The following SUSD3 variants were observed in gnomAD, a reference collection of about 807,000 sequenced individuals.
The protein encoded by SUSD3 is sushi domain-containing protein 3.
Under a neutral mutation model 20.6 loss-of-function variants are expected in SUSD3, and 18 were observed. That is an observed-to-expected ratio of 0.87 (90% confidence interval 0.60 to 1.30). SUSD3 has a LOEUF of 1.30. Among genes scored for constraint, SUSD3 ranks in the 50% most tolerant of loss-of-function variants. SUSD3 has a pLI of 0.00. For synonymous variants in SUSD3, 137 were observed against 141.5 expected, an observed-to-expected ratio of 0.97 and a Z score of 0.23; for missense variants, 306 against 346.9, an observed-to-expected ratio of 0.88 and a Z score of 0.94.
intron 1 of SUSD3, among the ~76,000 whole-genome samples, chr9:93,066,890 T>C (rs963312520): frequency 3.3e-5 from 5 of 152,068 alleles, no homozygotes; most frequent in African/African-American, 9.7e-5. Flanking sequence ...GTATTCTTAG[T>C]AGAGATGGGG....
intron 1 of SUSD3, among the ~76,000 whole-genome samples, chr9:93,070,683 AC>A (rs768731709): frequency 6.6e-6 from 1 of 152,022 alleles, no homozygotes; most frequent in Non-Finnish European, 1.5e-5. Context: ...TTTCCTCAGC[AC>A]CCCAGTCCAA....
At chr9:93,065,254 C>T (rs1406547730) in intron 1 of SUSD3, among the ~76,000 whole-genome samples, 2 of 152,338 alleles carry the variant, frequency 1.3e-5, no homozygotes, top group South Asian at 2.1e-4. Context: ...CTTCGCATTT[C>T]GCTGTGCCTG....
At chr9:93,062,262 C>G (rs988950420) in intron 1 of SUSD3, among the ~76,000 whole-genome samples, 2 of 152,240 alleles carry the variant, frequency 1.3e-5, no homozygotes, top group Non-Finnish European at 2.9e-5. Context: ...TCTCCACCTG[C>G]CCCTGAGCCG....
chr9:93,080,468 T>C (rs560403479), intron 4 of SUSD3, among the ~76,000 whole-genome samples: 13 of 152,208 alleles, frequency 8.5e-5, no homozygotes, highest in Admixed American at 3.3e-4. Flanking sequence ...CAGTTTTTCA[T>C]GGCATAGTCT....
intron 1 of SUSD3, among the ~76,000 whole-genome samples, chr9:93,061,021 G>T (rs1385874308): frequency 6.6e-6 from 1 of 152,208 alleles, no homozygotes; most frequent in African/African-American, 2.4e-5. Context: ...CTGGGAGAAG[G>T]GCAGGGCGCG....
At chr9:93,065,931 C>T (rs375550729) in intron 1 of SUSD3, among the ~76,000 whole-genome samples, 15 of 152,208 alleles carry the variant, frequency 9.9e-5, no homozygotes, top group East Asian at 3.8e-4. Flanking sequence ...CCAAGGCCAG[C>T]GAGAGTCAGC....
At chr9:93,070,287 C>G (rs1394177964) in intron 1 of SUSD3, among the ~76,000 whole-genome samples, 1 of 152,184 alleles carries the variant, frequency 6.6e-6, no homozygotes, top group Non-Finnish European at 1.5e-5. Context: ...CCTCTCTGAG[C>G]CTTATCTGTA....
At position 93,084,590 on chromosome 9, in the gene SUSD3, A is replaced by G. The variant is rs748162246; in HGVS notation, c.611A>G (p.Lys204Arg). 6 of 1,604,822 alleles carry G rather than the reference A, an allele frequency of 3.7e-6. No individual in the cohort carries two copies. Among genetic ancestry groups the G allele is most frequent in the East Asian group, 2.3e-5 (1 of 44,204 alleles). The change falls in exon 5 of 5, where the codon AAG (lysine) becomes AGG (arginine). Residue 204 changes from lysine to arginine, a missense_variant. Coordinates refer to ENST00000375472, the MANE Select transcript of SUSD3 (RefSeq NM_145006.4). The stretch of plus-strand genomic sequence containing the variant: ...GCCAGTGTGACCCGCAGCGTGGACA[A>G]GGACCCTGGGATCCCCAGAGCTCTA... ...KLASVTRSVD[K>R]DPGIPRALSL...
intron 1 of SUSD3, among the ~76,000 whole-genome samples, chr9:93,060,385 G>C (rs527827393): frequency 6.6e-6 from 1 of 152,130 alleles, no homozygotes; most frequent in Non-Finnish European, 1.5e-5. Context: ...AGGCCCAGTG[G>C]AGCCCAGGGA....
chr9:93,075,740 A>ACCCCCCCCCCCCCCCCCCCCCCC, intron 1 of SUSD3, 44 bp from the exon 2 acceptor site: 2 of 146,806 alleles, frequency 1.4e-5, no homozygotes, highest in South Asian at 7.6e-5. Flanking sequence ...CTGCGTGCCC[A>ACCCCCCCCCCCCCCCCCCCCCCC]CCCCCCCCCC....
At chr9:93,066,842 G>T (rs979625987) in intron 1 of SUSD3, among the ~76,000 whole-genome samples, 2 of 152,030 alleles carry the variant, frequency 1.3e-5, no homozygotes, top group African/African-American at 4.8e-5. Context: ...CTGAGTAGCT[G>T]GATTACAGGC....
At chr9:93,080,665 G>T (rs12352182) in intron 4 of SUSD3, among the ~76,000 whole-genome samples, 33,510 of 152,134 alleles carry the variant, frequency 0.22, 4,472 homozygotes, top group African/African-American at 0.37. Context: ...AGCCCCCCAG[G>T]TCCCTCCACT....
chr9:93,059,439 A>T (rs1587890214), intron 1 of SUSD3, among the ~76,000 whole-genome samples: 1 of 152,030 alleles, frequency 6.6e-6, no homozygotes, highest in Non-Finnish European at 1.5e-5. Context: ...TTTTACTTTT[A>T]AGTGTTTGAA....
chr9:93,076,187 C>T (rs924569990), intron 2 of SUSD3, among the ~76,000 whole-genome samples: 8 of 152,164 alleles, frequency 5.3e-5, no homozygotes, highest in Non-Finnish European at 8.8e-5. Context: ...CAGCACGGAC[C>T]GAAAACCTAG....
chr9:93,084,416 A>T, intron 4 of SUSD3, 121 bp from the exon 5 acceptor site: 1 of 862,056 alleles, frequency 1.2e-6, no homozygotes, highest in South Asian at 1.9e-5. Context: ...CGGGCTCCCC[A>T]GTGCTCAGGG....
chr9:93,078,083 C>G, intron 3 of SUSD3, 90 bp downstream of exon 3: 1 of 1,554,518 alleles, frequency 6.4e-7, no homozygotes, highest in Non-Finnish European at 8.8e-7. Context: ...CAAGGGAACC[C>G]CGGCACTGCC....
At chr9:93,075,144 A>G (rs1019773948) in intron 1 of SUSD3, among the ~76,000 whole-genome samples, 3 of 152,208 alleles carry the variant, frequency 2.0e-5, no homozygotes, top group South Asian at 2.1e-4. Flanking sequence ...TGCATTTTTC[A>G]TGACTGTGGG....
chr9:93,084,295 G>C (rs965878595), intron 4 of SUSD3, among the ~76,000 whole-genome samples: 6 of 152,070 alleles, frequency 3.9e-5, no homozygotes, highest in African/African-American at 1.4e-4. Context: ...TGACTCCTGG[G>C]CCACGCCCTG....
chr9:93,075,733 C>CGGGGGGGGGGGGGGGGGGGGGGGGGCGG, intron 1 of SUSD3, 51 bp from the exon 2 acceptor site: 1 of 392,364 alleles, frequency 2.5e-6, no homozygotes, highest in Non-Finnish European at 4.5e-6. Context: ...CCCTGCCCTG[C>CGGGGGGGGGGGGGGGGGGGGGGGGGCGG]GTGCCCACCC....
Sources: gnomAD v4.1 joint callset for allele counts (sites outside exome capture counted in the v4.1 genomes callset) on GRCh38, gnomAD v4.1.1 for gene constraint, MANE v1.5 for transcripts, NCBI Gene and HGNC (gene_info 2026-07-23, HGNC 2026-07-21) for gene names.